PDLIM7: variants seen among roughly 807,000 people sequenced by gnomAD.
PDLIM7 encodes the protein PDZ and LIM domain protein 7.
A neutral mutation model predicts 53.9 loss-of-function variants in PDLIM7; 37 were observed. The observed-to-expected ratio is 0.69, with a 90% CI of 0.53 to 0.90. The LOEUF (loss-of-function observed/expected upper bound fraction) is 0.90. PDLIM7 is among the 40% of genes least tolerant of loss of function. The pLI, the probability that PDLIM7 is intolerant of heterozygous loss-of-function variation, is 0.00. For synonymous variants in PDLIM7, 300 were observed against 261.3 expected (o/e 1.15, Z -1.43); for missense variants, 617 against 638.5 (o/e 0.97, Z 0.36).
At chr5:177,487,960 G>A (rs1581754422) in intron 10 of PDLIM7, 108 bp downstream of exon 10, 1 of 1,032,748 alleles carries the variant, frequency 9.7e-7, no homozygotes, top group East Asian at 2.5e-5. Flanking sequence ...ACGCTGGTAA[G>A]GACCCGGAGG....
chr5:177,494,821 T>C (rs925598832), intron 2 of PDLIM7, among the ~76,000 whole-genome samples: 5 of 152,006 alleles, frequency 3.3e-5, no homozygotes, highest in Non-Finnish European at 5.9e-5. Context: ...GTCCCAGACG[T>C]TACCTCATCT....
At chr5:177,490,700 A>T (rs1453234070) in intron 7 of PDLIM7, 170 bp downstream of exon 7, 1 of 917,794 alleles carries the variant, frequency 1.1e-6, no homozygotes, top group Non-Finnish European at 1.7e-6. Flanking sequence ...GAAAGAAGGA[A>T]GGAAGGAGGA....
intron 10 of PDLIM7, among the ~76,000 whole-genome samples, chr5:177,485,258 G>A (rs1419890763): frequency 6.6e-6 from 1 of 152,236 alleles, no homozygotes; most frequent in Non-Finnish European, 1.5e-5. Flanking sequence ...CCCTTTGTGG[G>A]TGAGTCGACT....
chr5:177,486,208 T>G (rs1334804241), intron 10 of PDLIM7, among the ~76,000 whole-genome samples: 1 of 151,892 alleles, frequency 6.6e-6, no homozygotes, highest in Non-Finnish European at 1.5e-5. Flanking sequence ...CATGAGCCAC[T>G]GCATCATGCA....
Position 177,484,066 on chromosome 5 carries a change from G to T in PDLIM7, c.1171+4C>A. 1 of 1,613,918 alleles carries T rather than the reference G, an allele frequency of 6.2e-7. No homozygotes were observed. Among genetic ancestry groups the T allele is most frequent in the Non-Finnish European group, 8.5e-7 (1 of 1,179,936 alleles). The stretch of plus-strand genomic sequence containing the variant: ...CCTCCTCACCCTCACTGGCCAGTGG[G>T]TACCTCGCTCGCAATAGGGCACGCC... On this transcript the variant is annotated splice_donor_region_variant and intron_variant, in intron 11 of 12. Transcript: ENST00000355841.
chr5:177,486,381 G>GC (rs1758439359), intron 10 of PDLIM7, among the ~76,000 whole-genome samples: 1 of 152,152 alleles, frequency 6.6e-6, no homozygotes, highest in Non-Finnish European at 1.5e-5. Flanking sequence ...AACCGTGCCG[G>GC]CCCTAGCATA....
At chr5:177,496,300 A>G in intron 2 of PDLIM7, 117 bp downstream of exon 2, 1 of 681,086 alleles carries the variant, frequency 1.5e-6, no homozygotes, top group Non-Finnish European at 2.3e-6. Context: ...CCGGACCTAG[A>G]CATCTCCTGG....
At chr5:177,490,207 C>T (rs1366404799) in intron 7 of PDLIM7, 1 of 1,446,048 alleles carries the variant, frequency 6.9e-7, no homozygotes, top group African/African-American at 1.4e-5. Context: ...ACCCCAAATG[C>T]AAACCAGGTC....
chr5:177,491,171 C>A (rs1027209560), intron 5 of PDLIM7, 25 bp from the exon 6 acceptor site: 7 of 1,587,208 alleles, frequency 4.4e-6, no homozygotes, highest in Admixed American at 1.7e-5. Context: ...TGGCTCAGAA[C>A]CCCACACTGG....
At chr5:177,492,492 G>A (rs773394669) in intron 3 of PDLIM7, 34 bp downstream of exon 3, 11 of 1,613,668 alleles carry the variant, frequency 6.8e-6, no homozygotes, top group Middle Eastern at 3.3e-4. Context: ...CCCACTGCCA[G>A]CGCGGGCGCA....
In PDLIM7 at chr5:177,496,538, GAGA is replaced by G. The variant is rs758763876; in HGVS notation, c.-11-18_-11-16del. On this transcript the variant is annotated splice_polypyrimidine_tract_variant and intron_variant, in intron 1 of 12. Transcript: ENST00000355841. Reference sequence around the variant, plus strand: ...GATGCCGGCTCCTGAGAGGAGAGAAGAGAAGGTGAGTGGCCAGCATGGTGGGCG... The same window carrying G: ...GATGCCGGCTCCTGAGAGGAGAGAAGAGGTGAGTGGCCAGCATGGTGGGCG... 15 of 1,546,154 alleles carry G rather than the reference GAGA, an allele frequency of 9.7e-6. No homozygotes were observed. In the Admixed American group the frequency reaches 1.7e-4, roughly 18 times the overall value.
In PDLIM7 at chr5:177,490,811, G is replaced by A. The variant is rs1487660393; in HGVS notation, c.572+59C>T. 8.2e-6 allele frequency: 13 copies of A among 1,580,566 alleles called. No individual in the cohort carries two copies. The East Asian group carries it at 2.9e-4, about 35-fold the overall frequency. ...TGGGAGCCTCAGGAGTAGACACAGG[G>A]CAGTAGCTGGAATGGAAGAGGCAGG... On this transcript the variant is annotated intron_variant, in intron 7 of 12. Coordinates refer to ENST00000355841, the MANE Select transcript of PDLIM7 (RefSeq NM_005451.5).
intron 7 of PDLIM7, chr5:177,490,627 A>T: frequency 1.4e-6 from 2 of 1,428,210 alleles, no homozygotes; most frequent in South Asian, 1.2e-5. Context: ...GAAGAAGTGG[A>T]AGGAAGGAGA....
chr5:177,497,326 C>A (rs1191723341), intron 1 of PDLIM7, among the ~76,000 whole-genome samples: 1 of 152,064 alleles, frequency 6.6e-6, no homozygotes, highest in Non-Finnish European at 1.5e-5. Context: ...TGGCCCCGGC[C>A]GCAGGAAGCG....
chr5:177,493,143 C>A (rs335431), intron 2 of PDLIM7, among the ~76,000 whole-genome samples: 69,001 of 152,014 alleles, frequency 0.45, 16,311 homozygotes, highest in South Asian at 0.53. Context: ...GCAGCTTCCT[C>A]CCCGAAACCA....
chr5:177,490,555 G>A (rs562606742), intron 7 of PDLIM7: 22 of 1,564,656 alleles, frequency 1.4e-5, no homozygotes, highest in Non-Finnish European at 1.8e-5. Flanking sequence ...CCGGAGGCGG[G>A]TGTAGCGTGG....
At chr5:177,487,470 C>T (rs185808373) in intron 10 of PDLIM7, among the ~76,000 whole-genome samples, 3 of 152,318 alleles carry the variant, frequency 2.0e-5, no homozygotes, top group East Asian at 1.9e-4. Context: ...AGCATTTTGG[C>T]GGAGGCTGAA....
Position 177,488,067 on chromosome 5 carries a change from C to T in PDLIM7, c.1050+1G>A. ...CCTCCCCGCCAGCCAGCCCTACTCACGCCTGTAATCTTCTTCTTGCACTTG... is the reference window on the plus strand; with the variant it reads ...CCTCCCCGCCAGCCAGCCCTACTCATGCCTGTAATCTTCTTCTTGCACTTG... On this transcript the variant is annotated splice_donor_variant, in intron 10 of 12. Coordinates refer to ENST00000355841, the MANE Select transcript of PDLIM7 (RefSeq NM_005451.5). LOFTEE classifies it high-confidence loss of function. 1 of 1,588,398 alleles carries T rather than the reference C, an allele frequency of 6.3e-7. No homozygotes were observed. The highest frequency in any genetic ancestry group is 2.3e-5 in the East Asian group (1 of 44,342).
chr5:177,492,653 G>C lies in PDLIM7; in HGVS notation c.121C>G (p.Gln41Glu). 6.2e-7 allele frequency: 1 copy of C among 1,606,626 alleles called. No individual in the cohort carries two copies. Among genetic ancestry groups the C allele is most frequent in the Non-Finnish European group, 8.5e-7 (1 of 1,179,926 alleles). ...CAGTCACCCACGGCCACTCCGGCCT[G>C]CGCCGCTTTGCCCCCAGGAGTGAGC... ...SRLTPGGKAA[Q>E]AGVAVGDWVL... Residue 41 changes from glutamine to glutamate, a missense_variant, in exon 3 of 13, where the codon CAG (glutamine) becomes GAG (glutamate). Coordinates refer to ENST00000355841, the MANE Select transcript of PDLIM7 (RefSeq NM_005451.5).
Sources: allele counts gnomAD v4.1 joint callset (sites outside exome capture counted in the v4.1 genomes callset), GRCh38; gene constraint gnomAD v4.1.1; transcripts MANE v1.5; gene names NCBI Gene and HGNC (gene_info 2026-07-23, HGNC 2026-07-21).